LYPLAL1: variants seen among roughly 807,000 people sequenced by gnomAD.
The protein encoded by LYPLAL1 is lysophospholipase like 1.
In LYPLAL1, 23 loss-of-function variants were observed where a neutral mutation model predicts 19.7. The observed-to-expected ratio is 1.17, with a 90% CI of 0.84 to 1.65. The LOEUF is 1.65. Ranked by LOEUF, LYPLAL1 falls within the 40% of genes most tolerant of loss-of-function variation. The pLI is 0.00. For missense variants in LYPLAL1, 355 were observed against 279.4 expected (o/e 1.27, Z -1.93); for synonymous variants, 119 against 96.3 (o/e 1.24, Z -1.38).
At chr1:219,307,745 C>T in the LYPLAL1 span, among the ~76,000 whole-genome samples, 1 of 152,094 alleles carries the variant, frequency 6.6e-6, no homozygotes, top group African/African-American at 2.4e-5. Context: ...GCAGTTTTCC[C>T]CATACTCTTC....
Position 219,179,195 on chromosome 1 carries a change from A to T in LYPLAL1, c.140A>T (p.Gln47Leu), listed in dbSNP as rs761242880. ...LRMWIKQVLNQDLTFQHIKII... is the reference protein window; with the variant it reads ...LRMWIKQVLNLDLTFQHIKII... ...ATGTGGATCAAGCAGGTTTTAAATC[A>T]AGATTTAACATTCCAACACATAAAA... Residue 47 changes from glutamine to leucine, a missense_variant, in exon 2 of 5, where the codon CAA becomes CTA. By Grantham distance (113) the Gln-to-Leu change is moderately radical. Transcript: ENST00000366928. The T allele has an allele frequency of 1.1e-5, 17 of 1,612,732 alleles. No individual in the cohort carries two copies. Among genetic ancestry groups the T allele is most frequent in the Non-Finnish European group, 1.3e-5 (15 of 1,179,426 alleles).
intron 1 of LYPLAL1, chr1:219,174,941 TG>T: frequency 1.0e-6 from 1 of 985,286 alleles, no homozygotes; most frequent in African/African-American, 1.7e-5. Flanking sequence ...GAAAAAAATG[TG>T]GTTAGGCATT....
At chr1:219,237,489 T>G in the LYPLAL1 span, among the ~76,000 whole-genome samples, 1 of 152,142 alleles carries the variant, frequency 6.6e-6, no homozygotes, top group Non-Finnish European at 1.5e-5. Flanking sequence ...ATCAGATAGG[T>G]GGTATTAGTA....
chr1:219,402,227 T>G, the LYPLAL1 span, among the ~76,000 whole-genome samples: 1 of 152,196 alleles, frequency 6.6e-6, no homozygotes, highest in Non-Finnish European at 1.5e-5. Context: ...TATATAATGA[T>G]GTCATTGCTA....
At chr1:219,174,361 A>C in intron 1 of LYPLAL1, 1 of 988,400 alleles carries the variant, frequency 1.0e-6, no homozygotes. Flanking sequence ...GCTACTAGTG[A>C]TTTTTCAGTC....
At chr1:219,208,704 A>G (rs1162950369) in intron 3 of LYPLAL1, among the ~76,000 whole-genome samples, 1 of 152,054 alleles carries the variant, frequency 6.6e-6, no homozygotes, top group African/African-American at 2.4e-5. Context: ...CAAAATCTCA[A>G]TAATTTATAT....
At chr1:219,306,747 T>TAGATAGAC in the LYPLAL1 span, among the ~76,000 whole-genome samples, 1 of 143,734 alleles carries the variant, frequency 7.0e-6, no homozygotes, top group Non-Finnish European at 1.5e-5. Flanking sequence ...GATGCATAGA[T>TAGATAGAC]AGATAGATAG....
the LYPLAL1 span, among the ~76,000 whole-genome samples, chr1:219,227,708 T>C: frequency 6.6e-6 from 1 of 152,184 alleles, no homozygotes; most frequent in African/African-American, 2.4e-5. Flanking sequence ...TTTAACACCT[T>C]ATAGAAGAAA....
At chr1:219,371,354 C>A in the LYPLAL1 span, among the ~76,000 whole-genome samples, 1 of 152,166 alleles carries the variant, frequency 6.6e-6, no homozygotes, top group Admixed American at 6.5e-5. Context: ...ATAATCATAT[C>A]AAAGGAAGCA....
At chr1:219,319,236 G>A in the LYPLAL1 span, among the ~76,000 whole-genome samples, 1 of 152,168 alleles carries the variant, frequency 6.6e-6, no homozygotes, top group East Asian at 1.9e-4. Context: ...AGACTTCTGA[G>A]GACAGAGCTT....
the LYPLAL1 span, among the ~76,000 whole-genome samples, chr1:219,431,797 A>T: frequency 6.6e-6 from 1 of 152,226 alleles, no homozygotes; most frequent in Admixed American, 6.5e-5. Flanking sequence ...CAATGAGACA[A>T]CATCATATAG....
At chr1:219,192,503 G>A (rs1228919824) in intron 2 of LYPLAL1, among the ~76,000 whole-genome samples, 7 of 151,612 alleles carry the variant, frequency 4.6e-5, no homozygotes, top group Non-Finnish European at 7.4e-5. Flanking sequence ...AGCAGGGCAT[G>A]CCAAGGGATA....
the LYPLAL1 span, among the ~76,000 whole-genome samples, chr1:219,317,373 A>G: frequency 1.3e-5 from 2 of 152,148 alleles, no homozygotes; most frequent in African/African-American, 2.4e-5. Flanking sequence ...CAGTGTTTCT[A>G]TAGTAAATGT....
At chr1:219,225,314 G>A in the LYPLAL1 span, 1 of 152,154 alleles carries the variant, frequency 6.6e-6, no homozygotes, top group African/African-American at 2.4e-5. Flanking sequence ...TTCCTTACCT[G>A]TAAAATGGGT....
At chr1:219,217,666 C>T (rs780718965), downstream of LYPLAL1, among the ~76,000 whole-genome samples, 8 of 152,124 alleles carry the variant, frequency 5.3e-5, no homozygotes, top group Middle Eastern at 3.4e-3. Flanking sequence ...TCTCTTAAAG[C>T]CAAATATTTG....
At chr1:219,276,527 A>T in the LYPLAL1 span, among the ~76,000 whole-genome samples, 1 of 152,236 alleles carries the variant, frequency 6.6e-6, no homozygotes, top group Non-Finnish European at 1.5e-5. Context: ...AACGCTTCCA[A>T]TATCTTAATG....
chr1:219,348,837 G>A, the LYPLAL1 span, among the ~76,000 whole-genome samples: 1 of 152,008 alleles, frequency 6.6e-6, no homozygotes, highest in Non-Finnish European at 1.5e-5. Context: ...TTGCCATCCT[G>A]TCTCTAATGG....
At chr1:219,376,845 G>A in the LYPLAL1 span, among the ~76,000 whole-genome samples, 3 of 152,128 alleles carry the variant, frequency 2.0e-5, no homozygotes, top group Admixed American at 2.0e-4. Flanking sequence ...TTTTGGCAAG[G>A]GTGTGGGGAA....
chr1:219,202,601 TG>T (rs1252333285), intron 3 of LYPLAL1, among the ~76,000 whole-genome samples: 2 of 152,204 alleles, frequency 1.3e-5, no homozygotes, highest in African/African-American at 4.8e-5. Flanking sequence ...AGGGATTCAG[TG>T]GGAAATAAAA....
Sources: allele counts gnomAD v4.1 joint callset (sites outside exome capture counted in the v4.1 genomes callset), GRCh38; gene constraint gnomAD v4.1.1; transcripts MANE v1.5; gene names NCBI Gene and HGNC (gene_info 2026-07-23, HGNC 2026-07-21).